The following RCOR3 variants were observed in gnomAD, a reference collection of about 807,000 sequenced individuals.
The protein encoded by RCOR3 is REST corepressor 3.
In RCOR3, 13 loss-of-function variants were observed where a neutral mutation model predicts 64.1. The ratio of observed to expected loss-of-function variants is 0.20; its 90% CI spans 0.13 to 0.32. RCOR3 has a LOEUF of 0.32. Among genes scored for constraint, RCOR3 ranks in the 10% least tolerant of loss-of-function variants. The probability of loss-of-function intolerance (pLI) is 1.00; values close to 1 mark genes in which losing one functional copy is unlikely to be tolerated. For missense variants in RCOR3, 489 were observed against 701.2 expected, an observed-to-expected ratio of 0.70 and a Z score of 3.42; for synonymous variants, 215 against 239.0, an observed-to-expected ratio of 0.90 and a Z score of 0.93.
intron 9 of RCOR3, among the ~76,000 whole-genome samples, chr1:211,298,654 T>G (rs542017941): frequency 6.6e-6 from 1 of 152,156 alleles, no homozygotes; most frequent in African/African-American, 2.4e-5. Flanking sequence ...CAGGGTTGAG[T>G]AGGGGCATCT....
In RCOR3 at chr1:211,312,808, C is replaced by G. The variant is rs1454612171; in HGVS notation, c.1164C>G (p.Asn388Lys). ...GCCAAGTGAAGAACTTCTTTGTAAA[C>G]TACAGGCGTCGGTTTAACTTAGAGG... The part of the protein sequence containing the change: ...TVGQVKNFFV[N>K]YRRRFNLEEV... Residue 388 changes from asparagine to lysine, a missense_variant, in exon 11 of 12, where the codon AAC becomes AAG. Asn to Lys is a moderately conservative substitution (Grantham distance 94, BLOSUM62 0). Coordinates refer to ENST00000419091, the MANE Select transcript of RCOR3 (RefSeq NM_001136223.3). The surrounding 1 kb of genome is among the most constrained non-coding windows in gnomAD (Gnocchi z 5.0). 1 of 1,614,182 alleles carries G rather than the reference C, an allele frequency of 6.2e-7. No individual in the cohort carries two copies. Among genetic ancestry groups the G allele is most frequent in the Non-Finnish European group, 8.5e-7 (1 of 1,180,028 alleles).
rs777716089 is a variant in RCOR3 at position 211,295,728 on chromosome 1, G to A, written c.992G>A (p.Gly331Glu). 5 of 1,613,330 alleles carry A rather than the reference G, an allele frequency of 3.1e-6. No individual in the cohort carries two copies. The highest frequency in any genetic ancestry group is 4.2e-6 in the Non-Finnish European group (5 of 1,179,688). ...NSALKQKMEG[G>E]IEEFKPPESN... ...GCACTTAAACAGAAAATGGAAGGTG[G>A]AATTGAAGAATTCAAACCTCCTGAG... The change falls in exon 9 of 12, where the codon GGA becomes GAA. Residue 331 changes from glycine to glutamate, a missense_variant. Transcript: ENST00000419091.
chr1:211,300,678 A>C (rs1045369169), intron 9 of RCOR3, among the ~76,000 whole-genome samples: 2 of 152,188 alleles, frequency 1.3e-5, no homozygotes, highest in Non-Finnish European at 2.9e-5. Flanking sequence ...TGTTCATTTA[A>C]ATTACACAAA....
At chr1:211,310,186 G>A (rs1224410881) in intron 10 of RCOR3, among the ~76,000 whole-genome samples, 1 of 152,098 alleles carries the variant, frequency 6.6e-6, no homozygotes, top group African/African-American at 2.4e-5. Context: ...TTCACATCAT[G>A]GTACACAGAG....
chr1:211,261,710 G>A (rs1384374036), intron 2 of RCOR3, among the ~76,000 whole-genome samples: 3 of 151,476 alleles, frequency 2.0e-5, no homozygotes, highest in East Asian at 3.9e-4. Flanking sequence ...TCACGAGGTC[G>A]GGAGATCAAG....
At chr1:211,287,791 G>A (rs1698727160) in intron 7 of RCOR3, among the ~76,000 whole-genome samples, 1 of 152,164 alleles carries the variant, frequency 6.6e-6, no homozygotes, top group Non-Finnish European at 1.5e-5. Flanking sequence ...TGAGGCAGGA[G>A]AATTGCTTGA....
Position 211,280,062 on chromosome 1 carries a change from G to A in RCOR3, c.720+746G>A, listed in dbSNP as rs141182108. On this transcript the variant is annotated intron_variant, in intron 7 of 11. Transcript: ENST00000419091. The stretch of plus-strand genomic sequence containing the variant: ...TTAGTAAAATGAAAATAATAGGATT[G>A]TTTTGAGAATCAAAGAGGTAATATG... Among the ~76,000 whole-genome samples the A allele has an allele frequency of 4.2e-3, 647 of 152,276 alleles. 4 individuals carry two copies. Among genetic ancestry groups the A allele is most frequent in the Non-Finnish European group, 4.2e-3 (283 of 68,024 alleles).
At chr1:211,294,644 C>T (rs1245159359) in intron 8 of RCOR3, among the ~76,000 whole-genome samples, 1 of 134,428 alleles carries the variant, frequency 7.4e-6, no homozygotes, top group African/African-American at 2.8e-5. Context: ...GGCTGGAGTG[C>T]AGCGGCGCGA....
chr1:211,293,466 A>G (rs986277909), intron 8 of RCOR3, among the ~76,000 whole-genome samples: 33 of 152,184 alleles, frequency 2.2e-4, no homozygotes, highest in African/African-American at 7.7e-4. Flanking sequence ...CCTGGAATGC[A>G]GTCCCTCCTC....
chr1:211,285,890 C>G (rs1698453079), intron 7 of RCOR3, among the ~76,000 whole-genome samples: 1 of 152,160 alleles, frequency 6.6e-6, no homozygotes, highest in African/African-American at 2.4e-5. Flanking sequence ...ATTGTTTTAT[C>G]TTGCTGCTGA....
At chr1:211,269,959 A>G (rs1271842985) in intron 2 of RCOR3, among the ~76,000 whole-genome samples, 2 of 152,108 alleles carry the variant, frequency 1.3e-5, no homozygotes, top group Admixed American at 6.6e-5. Flanking sequence ...AAGACTTCAC[A>G]TGTTTAAAAA....
rs145735878 is a variant in RCOR3, at chr1:211,289,278, G to A, written c.821G>A (p.Arg274His). The A allele has an allele frequency of 2.4e-5, 38 of 1,613,858 alleles. No individual in the cohort carries two copies. The highest frequency in any genetic ancestry group is 5.5e-5 in the South Asian group (5 of 91,076). ...CATCATTCTCAGCGTTCTAAGTGCC[G>A]TCCACCTAAGGGCATGTATTTAACC... ...HRHHSQRSKC[R>H]PPKGMYLTQE... The change falls in exon 8 of 12, where the codon CGT (arginine) becomes CAT (histidine). Residue 274 changes from arginine (R) to histidine (H), a missense_variant. By Grantham distance (29) the Arg-to-His change is conservative (BLOSUM62 0). Transcript: ENST00000419091.
intron 2 of RCOR3, among the ~76,000 whole-genome samples, chr1:211,264,902 C>T (rs1255321440): frequency 6.6e-6 from 1 of 152,164 alleles, no homozygotes; most frequent in East Asian, 1.9e-4. Flanking sequence ...GTACTTACAT[C>T]ATGAGGAACA....
chr1:211,261,709 C>T (rs1293759558), intron 2 of RCOR3, among the ~76,000 whole-genome samples: 2 of 151,690 alleles, frequency 1.3e-5, no homozygotes, highest in Non-Finnish European at 2.9e-5. Context: ...ATCACGAGGT[C>T]GGGAGATCAA....
intron 2 of RCOR3, among the ~76,000 whole-genome samples, chr1:211,261,677 T>G (rs969958208): frequency 6.6e-6 from 1 of 151,976 alleles, no homozygotes; most frequent in Admixed American, 6.6e-5. Context: ...ATCCCAGCAC[T>G]TTGGGAGGCT....
intron 2 of RCOR3, among the ~76,000 whole-genome samples, chr1:211,263,955 C>T (rs1356943839): frequency 6.7e-6 from 1 of 149,712 alleles, no homozygotes; most frequent in East Asian, 1.9e-4. Context: ...GTAGCTGGGA[C>T]TACAGGCACA....
Position 211,312,101 on chromosome 1 carries a change from C to A in RCOR3, c.1076-619C>A, listed in dbSNP as rs1294673130. The A allele has an allele frequency of 9.4e-6, 2 of 212,980 alleles. No individual in the cohort carries two copies. Among genetic ancestry groups the A allele is most frequent in the Non-Finnish European group, 1.0e-5 (1 of 99,926 alleles). The allele number at this position is 212,980 out of a possible 1,614,324, so 13.2% of individuals were successfully genotyped here. A position where few individuals can be genotyped will look rare whatever the true frequency, so the allele number is the denominator to read the frequency against. ...AATCCAACTGACTCTGAAAAAAAATCTTCTCTTTTTTCAAAATCCACCAAC... is the reference window on the plus strand; with the variant it reads ...AATCCAACTGACTCTGAAAAAAAATATTCTCTTTTTTCAAAATCCACCAAC... On this transcript the variant is annotated intron_variant, in intron 10 of 11. Transcript: ENST00000419091. The surrounding 1 kb of genome is among the most constrained non-coding windows in gnomAD (Gnocchi z 5.0).
chr1:211,260,572 C>A (rs1042602107), intron 2 of RCOR3, among the ~76,000 whole-genome samples: 1 of 152,118 alleles, frequency 6.6e-6, no homozygotes, highest in African/African-American at 2.4e-5. Flanking sequence ...GAGGGCCGCG[C>A]TCTGTCGGGC....
chr1:211,275,721 A>G (rs1218419686), intron 4 of RCOR3, among the ~76,000 whole-genome samples: 4 of 152,178 alleles, frequency 2.6e-5, no homozygotes, highest in African/African-American at 9.6e-5. Context: ...TCTGATAATA[A>G]GTAAATGTGG....
Sources: allele counts gnomAD v4.1 joint callset (sites outside exome capture counted in the v4.1 genomes callset), GRCh38; gene constraint gnomAD v4.1.1; non-coding constraint Gnocchi (gnomAD v3.1); transcripts MANE v1.5; gene names NCBI Gene and HGNC (gene_info 2026-07-23, HGNC 2026-07-21).